Variants in UPRT observed in about 807,000 individuals in gnomAD.
UPRT encodes the protein RP11-311P8.3.
Under a neutral mutation model 22.6 loss-of-function variants are expected in UPRT, and 5 were observed. That is an observed-to-expected ratio of 0.22 (90% CI 0.12 to 0.47). UPRT has a LOEUF of 0.47. UPRT is among the 20% of genes least tolerant of loss of function. The probability of loss-of-function intolerance (pLI) is 0.99; values close to 1 mark genes in which losing one functional copy is unlikely to be tolerated. For synonymous variants in UPRT, 77 were observed against 87.7 expected, an observed-to-expected ratio of 0.88 and a Z score of 0.68; for missense variants, 181 against 239.9, an observed-to-expected ratio of 0.75 and a Z score of 1.62.
chrX:75,213,134 G>T (rs1177765902), intron 4 of UPRT, among the ~76,000 whole-genome samples: 1 of 112,130 alleles, frequency 8.9e-6, no homozygotes, highest in African/African-American at 3.2e-5. Flanking sequence ...TCCTCACACT[G>T]AATTGCAGCT....
intron 4 of UPRT, among the ~76,000 whole-genome samples, chrX:75,240,202 G>T (rs183235009): frequency 9.0e-6 from 1 of 110,673 alleles, no homozygotes; most frequent in Non-Finnish European, 1.9e-5. Flanking sequence ...AAACCCTGAA[G>T]ACTCACCCAA....
chrX:75,300,786 C>A (rs1156376356), intron 5 of UPRT, 81 bp from the exon 6 acceptor site: 3 of 769,769 alleles, frequency 3.9e-6, no homozygotes, highest in Non-Finnish European at 5.7e-6. Flanking sequence ...TTCCCTGTCC[C>A]CCCTCCCCCA....
chrX:75,231,639 A>G (rs2082438751), intron 4 of UPRT, among the ~76,000 whole-genome samples: 1 of 111,960 alleles, frequency 8.9e-6, no homozygotes, highest in Non-Finnish European at 1.9e-5. Context: ...TCACCTAGGA[A>G]CACAGTCATC....
chrX:75,240,643 C>A (rs1261013202), intron 4 of UPRT, among the ~76,000 whole-genome samples: 4 of 111,460 alleles, frequency 3.6e-5, no homozygotes, highest in African/African-American at 9.8e-5. Flanking sequence ...GCAAAAAGAA[C>A]AAATCTGGAG....
chrX:75,237,001 G>A (rs1447087946), intron 4 of UPRT, among the ~76,000 whole-genome samples: 33 of 112,047 alleles, frequency 2.9e-4, no homozygotes, highest in African/African-American at 7.4e-4. Flanking sequence ...TACCATCAGC[G>A]TGAACAGGCA....
intron 4 of UPRT, among the ~76,000 whole-genome samples, chrX:75,238,514 A>G (rs750684511): frequency 8.9e-6 from 1 of 112,018 alleles, no homozygotes; most frequent in East Asian, 2.8e-4. Context: ...AATGAAATAA[A>G]TGGCAATAGT....
intron 4 of UPRT, among the ~76,000 whole-genome samples, chrX:75,232,671 G>T: frequency 8.9e-6 from 1 of 111,964 alleles, no homozygotes; most frequent in South Asian, 3.7e-4. Context: ...CGCCAGCAGG[G>T]GCAGACTGAC....
chrX:75,168,393 A>G (rs757068108), intron 4 of UPRT, among the ~76,000 whole-genome samples: 9 of 91,398 alleles, frequency 9.8e-5, no homozygotes, highest in Admixed American at 1.4e-4. Context: ...GATATTAACC[A>G]TCATTAAATG....
At chrX:75,207,109 G>A (rs1017123310) in intron 4 of UPRT, among the ~76,000 whole-genome samples, 5 of 112,573 alleles carry the variant, frequency 4.4e-5, no homozygotes, top group African/African-American at 1.6e-4. Context: ...AGCAGCCTGT[G>A]TATGAGTTTG....
At chrX:75,180,681 G>GTTTTTTTTTTTTGTTTTTTTTTT (rs2082266200) in intron 4 of UPRT, among the ~76,000 whole-genome samples, 20 of 43,890 alleles carry the variant, frequency 4.6e-4, no homozygotes, top group East Asian at 1.7e-3. Context: ...CCTTTTCTCT[G>GTTTTTTTTTTTTGTTTTTTTTTT]TTTTTTTTTT....
intron 1 of UPRT, among the ~76,000 whole-genome samples, chrX:75,157,193 G>T (rs1199685338): frequency 8.9e-6 from 1 of 112,023 alleles, no homozygotes; most frequent in Non-Finnish European, 1.9e-5. Flanking sequence ...AGACAATAAT[G>T]CAGTTGCAAT....
intron 4 of UPRT, among the ~76,000 whole-genome samples, chrX:75,198,557 T>C (rs183058803): frequency 1.6e-4 from 18 of 112,157 alleles, no homozygotes; most frequent in African/African-American, 5.8e-4. Context: ...TACTATTTTG[T>C]TTACTTTGTA....
chrX:75,285,230 G>T (rs1466613269), intron 1 of UPRT, among the ~76,000 whole-genome samples: 1 of 111,549 alleles, frequency 9.0e-6, no homozygotes, highest in Non-Finnish European at 1.9e-5. Context: ...CTGCCTCCAA[G>T]TTGAGAAAGA....
At chrX:75,281,680 G>A (rs1030379332) in intron 1 of UPRT, among the ~76,000 whole-genome samples, 3 of 111,407 alleles carry the variant, frequency 2.7e-5, no homozygotes, top group African/African-American at 9.8e-5. Flanking sequence ...ATTTTGTTAA[G>A]GATTTTAGCA....
intron 4 of UPRT, among the ~76,000 whole-genome samples, chrX:75,169,968 ATTC>A (rs1266919338): frequency 4.6e-5 from 5 of 108,276 alleles, no homozygotes; most frequent in African/African-American, 1.7e-4. Flanking sequence ...AGGTGCATAT[ATTC>A]TTAGGATTGT....
At chrX:75,240,812 A>G (rs1380939595) in intron 4 of UPRT, among the ~76,000 whole-genome samples, 1 of 111,790 alleles carries the variant, frequency 8.9e-6, no homozygotes, top group Non-Finnish European at 1.9e-5. Flanking sequence ...CAAAGCAAAC[A>G]AAAACTAAAG....
intron 4 of UPRT, among the ~76,000 whole-genome samples, chrX:75,176,099 G>A (rs960899740): frequency 3.6e-5 from 4 of 111,242 alleles, no homozygotes; most frequent in Admixed American, 2.9e-4. Flanking sequence ...GAAGGCAGAA[G>A]GATTTTATTC....
At chrX:75,235,148 C>T (rs1370453261) in intron 4 of UPRT, among the ~76,000 whole-genome samples, 2 of 111,318 alleles carry the variant, frequency 1.8e-5, no homozygotes, top group Admixed American at 1.9e-4. Context: ...TCAGAGAATA[C>T]TATAAACACA....
At chrX:75,266,162 A>G (rs1034186563) in intron 4 of UPRT, among the ~76,000 whole-genome samples, 6 of 111,609 alleles carry the variant, frequency 5.4e-5, no homozygotes, top group African/African-American at 2.0e-4. Context: ...ACAAAGCTGG[A>G]GGCATCATGC....
Sources: allele counts gnomAD v4.1 joint callset (sites outside exome capture counted in the v4.1 genomes callset), GRCh38; gene constraint gnomAD v4.1.1; transcripts MANE v1.5; gene names NCBI Gene and HGNC (gene_info 2026-07-23, HGNC 2026-07-21).